HAGHL: variants seen among roughly 807,000 people sequenced by gnomAD.
HAGHL encodes hydroxyacylglutathione hydrolase like, also known as hydroxyacylglutathione hydrolase-like protein.
In HAGHL, 27 loss-of-function variants were observed where a neutral mutation model predicts 29.2. The ratio of observed to expected loss-of-function variants is 0.92; its 90% CI spans 0.68 to 1.27. The LOEUF (loss-of-function observed/expected upper bound fraction) is 1.27, where lower values mean the gene tolerates loss of function less well. Ranked by LOEUF, HAGHL falls within the 50% of genes most tolerant of loss-of-function variation. The pLI, the probability that HAGHL is intolerant of heterozygous loss-of-function variation, is 0.00. For missense variants in HAGHL, 529 were observed against 405.5 expected (o/e 1.30, Z -2.62); for synonymous variants, 223 against 185.7 (o/e 1.20, Z -1.63).
rs1456335221 is a variant in HAGHL at position 727,976 on chromosome 16, C to T, written c.117C>T (p.Ile39=). 23 of 1,607,580 alleles carry T rather than the reference C, an allele frequency of 1.4e-5. No individual in the cohort carries two copies. Among genetic ancestry groups the T allele is most frequent in the African/African-American group, 2.7e-5 (2 of 74,178 alleles). ...DVAVPKRLLE[I]VGREGVSLTA... ...CCCGTCCCTTTCAGCTGCTGGAGAT[C>T]GTGGGCCGGGAGGGGGTGTCTCTGA... The change falls in exon 2 of 8, where the codon ATC becomes ATT. Residue 39 remains isoleucine (I), a synonymous_variant. Transcript: ENST00000389703.
chr16:728,217 A>G lies in HAGHL; in HGVS notation c.272A>G (p.His91Arg). The G allele has an allele frequency of 6.9e-7, 1 of 1,456,686 alleles. No individual in the cohort carries two copies. Among genetic ancestry groups the G allele is most frequent in the Non-Finnish European group, 9.0e-7 (1 of 1,115,224 alleles). The allele number at this position is 1,456,686 out of a possible 1,614,324, so 90.2% of individuals were successfully genotyped here. ...TTCTCGCTGACGCGCAGGCTGGCGC[A>G]CGGCGAGGAGCTGCGGGTGAGCGCG... ...RIFSLTRRLA[H>R]GEELRFGAIH... Residue 91 changes from histidine to arginine, a missense_variant, in exon 3 of 8, where the codon CAC becomes CGC. Coordinates refer to ENST00000389703, the MANE Select transcript of HAGHL (RefSeq NM_032304.4).
chr16:728,385 TG>T lies in HAGHL; in HGVS notation c.361del (p.Glu121ArgfsTer72). 6.3e-7 allele frequency: 1 copy of T among 1,578,026 alleles called. No homozygotes were observed. The highest frequency in any genetic ancestry group is 8.6e-7 in the Non-Finnish European group (1 of 1,165,890). On this transcript the variant is annotated frameshift_variant, in exon 4 of 8. Transcript: ENST00000389703. LOFTEE classifies it high-confidence loss of function. ...HTAGHMSYFL[W>X]EDDCPDPPAL... ...CGCCGGCCACATGAGCTACTTCCTGTGGGAGGACGATTGCCCGGACCCACCC... is the reference window on the plus strand; with the variant it reads ...CGCCGGCCACATGAGCTACTTCCTGTGGAGGACGATTGCCCGGACCCACCC...
Position 728,112 on chromosome 16 carries a change from G to T in HAGHL, c.171-4G>T. The T allele has an allele frequency of 2.0e-6, 3 of 1,465,904 alleles. No individual in the cohort carries two copies. The highest frequency in any genetic ancestry group is 2.7e-6 in the Non-Finnish European group (3 of 1,114,416). The allele number at this position is 1,465,904 out of a possible 1,614,324, so 90.8% of individuals were successfully genotyped here. A position where few individuals can be genotyped will look rare whatever the true frequency, so the allele number is the denominator to read the frequency against. On this transcript the variant is annotated splice_region_variant and splice_polypyrimidine_tract_variant and intron_variant, in intron 2 of 7. Transcript: ENST00000389703. Reference sequence around the variant, plus strand: ...TAACCCGGCCCCCGCCCGCCCGCCCGCAGGGACCACGCGCGGGGAAACCCG... The same window carrying T: ...TAACCCGGCCCCCGCCCGCCCGCCCTCAGGGACCACGCGCGGGGAAACCCG...
rs1339114468 is a variant in HAGHL at position 727,134 on chromosome 16, C to T, written c.-376C>T. On this transcript the variant is annotated 5_prime_UTR_variant, in exon 1 of 8. Transcript: ENST00000389703. The stretch of plus-strand genomic sequence containing the variant: ...CTGTCCTTCGGGTCCTCAGCACAGC[C>T]GTGCCGGTGAGGCGGGCGGCGGGGG... 5.4e-6 allele frequency: 1 copy of T among 184,808 alleles called. No homozygotes were observed. Among genetic ancestry groups the T allele is most frequent in the Non-Finnish European group, 1.1e-5 (1 of 90,350 alleles). 11.4% of individuals were successfully genotyped at this position (184,808 alleles called of 1,614,324 possible).
intron 1 of HAGHL, 110 bp downstream of exon 1, chr16:727,724 C>T (rs994269208): frequency 6.5e-6 from 5 of 769,892 alleles, no homozygotes; most frequent in South Asian, 1.7e-5. Context: ...AAGTCATTGG[C>T]GGCTGGGGTT....
chr16:729,164 G>C (rs2151596685), intron 7 of HAGHL, 76 bp downstream of exon 7: 1 of 1,582,948 alleles, frequency 6.3e-7, no homozygotes, highest in Non-Finnish European at 8.6e-7. Flanking sequence ...TGCGTGTTGG[G>C]CTGAGTGAGC....
At position 729,403 on chromosome 16, in the gene HAGHL, C is replaced by A. The variant is rs897734877; in HGVS notation, c.796C>A (p.Arg266=). 1.3e-6 allele frequency: 2 copies of A among 1,530,276 alleles called. No homozygotes were observed. Among genetic ancestry groups the A allele is most frequent in the South Asian group, 1.2e-5 (1 of 82,294 alleles). 94.8% of individuals were successfully genotyped at this position (1,530,276 alleles called of 1,614,324 possible). A position where few individuals can be genotyped will look rare whatever the true frequency, so the allele number is the denominator to read the frequency against. Residue 266 remains arginine (R), a synonymous_variant, in exon 8 of 8, where the codon CGG becomes AGG. Coordinates refer to ENST00000389703, the MANE Select transcript of HAGHL (RefSeq NM_032304.4). ...QAGEPRQPQA[R]ALLALQWGLL... ...GGGCGAGCCGCGGCAGCCACAGGCG[C>A]GGGCCCTCCTTGCGCTGCAGTGGGG...
chr16:727,524 C>T lies in HAGHL; in HGVS notation c.15C>T (p.Val5=). ...GCTCCGTGACCATGAAGGTCAAGGTCATCCCCGTGCTCGAGGACAACTACA... is the reference window on the plus strand; with the variant it reads ...GCTCCGTGACCATGAAGGTCAAGGTTATCCCCGTGCTCGAGGACAACTACA... The part of the protein sequence containing the change: MKVK[V]IPVLEDNYMY... Residue 5 remains valine (V), a synonymous_variant, in exon 1 of 8, where the codon GTC becomes GTT. Coordinates refer to ENST00000389703, the MANE Select transcript of HAGHL (RefSeq NM_032304.4). The T allele has an allele frequency of 1.2e-6, 2 of 1,609,466 alleles. No homozygotes were observed. Among genetic ancestry groups the T allele is most frequent in the Non-Finnish European group, 1.7e-6 (2 of 1,177,772 alleles).
chr16:727,160 A>C lies in HAGHL; in HGVS notation c.-350A>C. The C allele has an allele frequency of 5.0e-6, 1 of 199,030 alleles. No homozygotes were observed. Among genetic ancestry groups the C allele is most frequent in the Non-Finnish European group, 1.0e-5 (1 of 99,564 alleles). 12.3% of individuals were successfully genotyped at this position (199,030 alleles called of 1,614,324 possible). ...GTGCCGGTGAGGCGGGCGGCGGGGG[A>C]ACGCGGCTGTCCCGGGTCAGGGGTC... On this transcript the variant is annotated 5_prime_UTR_variant, in exon 1 of 8. Transcript: ENST00000389703.
At position 728,824 on chromosome 16, in the gene HAGHL, A is replaced by G. The variant is rs2041206496; in HGVS notation, c.529A>G (p.Ser177Gly). 1 of 1,611,090 alleles carries G rather than the reference A, an allele frequency of 6.2e-7. No homozygotes were observed. The highest frequency in any genetic ancestry group is 8.5e-7 in the Non-Finnish European group (1 of 1,179,212). ...KVFCGHEHTL[S>G]NLEFAQKVEP... ...GTTCTGCGGCCACGAGCACACGCTTAGCAACCTGGAGTTTGCCCAGAAAGT... is the reference window on the plus strand; with the variant it reads ...GTTCTGCGGCCACGAGCACACGCTTGGCAACCTGGAGTTTGCCCAGAAAGT... The change falls in exon 6 of 8, where the codon AGC (serine) becomes GGC (glycine). Residue 177 changes from serine (S) to glycine (G), a missense_variant. Ser to Gly is a moderately conservative substitution (Grantham distance 56). Coordinates refer to ENST00000389703, the MANE Select transcript of HAGHL (RefSeq NM_032304.4).
rs760009186 is a variant in HAGHL, at chr16:728,305, C to T, written c.289-11C>T. On this transcript the variant is annotated splice_polypyrimidine_tract_variant and intron_variant, in intron 3 of 7. Transcript: ENST00000389703. ...CCCGCCCTCACAGGTCCGCCTGCTC[C>T]TCCGCCGCAGTTCGGGGCCATCCAC... is the stretch of plus-strand genomic sequence containing the variant. 6.5e-6 allele frequency: 10 copies of T among 1,535,400 alleles called. No individual in the cohort carries two copies. The highest frequency in any genetic ancestry group is 4.2e-5 in the African/African-American group (3 of 71,510).
intron 7 of HAGHL, 78 bp from the exon 8 acceptor site, chr16:729,210 T>G (rs1179024856): frequency 3.9e-6 from 6 of 1,552,404 alleles, no homozygotes; most frequent in South Asian, 1.2e-5. Flanking sequence ...ATTAAGTGCC[T>G]GCCTGCCCGC....
At chr16:728,632 C>A in intron 5 of HAGHL, 28 bp downstream of exon 5, 1 of 1,367,610 alleles carries the variant, frequency 7.3e-7, no homozygotes, top group Non-Finnish European at 9.9e-7. Context: ...CTCCCCTCTT[C>A]TCCCGTGGGC....
chr16:727,560 C>T lies in HAGHL; in HGVS notation c.51C>T (p.Val17=), dbSNP rs915715158. The change falls in exon 1 of 8, where the codon GTC becomes GTT. Residue 17 remains valine (V), a synonymous_variant. Transcript: ENST00000389703. The part of the protein sequence containing the change: ...PVLEDNYMYL[V]IEELTREAVA... ...TCGAGGACAACTACATGTACCTGGTCATCGAGGAGCTCACGCGCGAGGCGG... is the reference window on the plus strand; with the variant it reads ...TCGAGGACAACTACATGTACCTGGTTATCGAGGAGCTCACGCGCGAGGCGG... 45 of 1,611,912 alleles carry T rather than the reference C, an allele frequency of 2.8e-5. No individual in the cohort carries two copies. In the East Asian group the frequency reaches 4.7e-4, roughly 17 times the overall value.
intron 1 of HAGHL, 142 bp from the exon 2 acceptor site, chr16:727,823 G>A: frequency 5.5e-6 from 5 of 914,234 alleles, no homozygotes; most frequent in South Asian, 1.6e-5. Flanking sequence ...CGCGCTGGGC[G>A]CAGTCACCGC....
In HAGHL at chr16:727,574, C is replaced by G; in HGVS notation, c.65C>G (p.Thr22Arg). ...ATGTACCTGGTCATCGAGGAGCTCA[C>G]GCGCGAGGCGGTGGCCGTGGACGTG... ...NYMYLVIEELTREAVAVDVAV... is the reference protein window; with the variant it reads ...NYMYLVIEELRREAVAVDVAV... Residue 22 changes from threonine to arginine, a missense_variant, in exon 1 of 8, where the codon ACG (threonine) becomes AGG (arginine). Thr to Arg is a moderately conservative substitution (Grantham distance 71). Coordinates refer to ENST00000389703, the MANE Select transcript of HAGHL (RefSeq NM_032304.4). The G allele has an allele frequency of 6.2e-7, 1 of 1,611,726 alleles. No individual in the cohort carries two copies. Among genetic ancestry groups the G allele is most frequent in the African/African-American group, 1.3e-5 (1 of 75,016 alleles).
chr16:729,113 C>T, intron 7 of HAGHL, 25 bp downstream of exon 7: 1 of 1,605,464 alleles, frequency 6.2e-7, no homozygotes, highest in South Asian at 1.1e-5. Flanking sequence ...TGTCCCGGGG[C>T]CTCCACCGTT....
In HAGHL at chr16:729,309, C is replaced by A; in HGVS notation, c.702C>A (p.Phe234Leu). 1 of 1,531,318 alleles carries A rather than the reference C, an allele frequency of 6.5e-7. No homozygotes were observed. The highest frequency in any genetic ancestry group is 8.8e-7 in the Non-Finnish European group (1 of 1,139,770). The allele number at this position is 1,531,318 out of a possible 1,614,324, so 94.9% of individuals were successfully genotyped here. A position where few individuals can be genotyped will look rare whatever the true frequency, so the allele number is the denominator to read the frequency against. The part of the protein sequence containing the change: ...LRVAEEPVRK[F>L]TGKAVPADVL... ...GCAGAGAGGAGCCGGTGCGCAAGTT[C>A]ACGGGCAAGGCGGTCCCCGCCGACG... is the stretch of plus-strand genomic sequence containing the variant. Residue 234 changes from phenylalanine to leucine, a missense_variant, in exon 8 of 8, where the codon TTC (phenylalanine) becomes TTA (leucine). Coordinates refer to ENST00000389703, the MANE Select transcript of HAGHL (RefSeq NM_032304.4).
chr16:728,842 C>T lies in HAGHL; in HGVS notation c.547C>T (p.Gln183Ter), dbSNP rs771354492. 4 of 1,610,976 alleles carry T rather than the reference C, an allele frequency of 2.5e-6. No individual in the cohort carries two copies. Among genetic ancestry groups the T allele is most frequent in the Non-Finnish European group, 3.4e-6 (4 of 1,179,668 alleles). The change falls in exon 6 of 8, where the codon CAG becomes TAG. Residue 183 changes from glutamine to a stop codon, truncating the protein, a stop_gained. Coordinates refer to ENST00000389703, the MANE Select transcript of HAGHL (RefSeq NM_032304.4). LOFTEE classifies it high-confidence loss of function. ...CACGCTTAGCAACCTGGAGTTTGCC[C>T]AGAAAGTGGAGCCCTGCAACGACCA... is the stretch of plus-strand genomic sequence containing the variant. ...EHTLSNLEFA[Q>*]KVEPCNDHVR...
Sources: gnomAD v4.1 joint callset for allele counts on GRCh38, gnomAD v4.1.1 for gene constraint, MANE v1.5 for transcripts, NCBI Gene and HGNC (gene_info 2026-07-23, HGNC 2026-07-21) for gene names.